Variants in THADA observed in about 807,000 individuals in gnomAD.
THADA encodes tRNA (32-2'-O)-methyltransferase regulator THADA.
Under a neutral mutation model 219.8 loss-of-function variants are expected in THADA, and 213 were observed. That is an observed-to-expected ratio of 0.97 (90% CI 0.87 to 1.09). The LOEUF (loss-of-function observed/expected upper bound fraction) is 1.09, where lower values mean the gene tolerates loss of function less well. THADA is among the 50% of genes least tolerant of loss of function. The pLI, the probability that THADA is intolerant of heterozygous loss-of-function variation, is 0.00. For missense variants in THADA, 2,956 were observed against 2,311.3 expected (o/e 1.28, Z -5.72); for synonymous variants, 1,018 against 828.9 (o/e 1.23, Z -3.92).
chr2:43,527,650 C>T (rs1693332528), intron 22 of THADA, among the ~76,000 whole-genome samples: 1 of 151,868 alleles, frequency 6.6e-6, no homozygotes, highest in African/African-American at 2.4e-5. Context: ...TTTGAGTTTG[C>T]TTCAAATCAC....
chr2:43,374,622 G>A (rs889751970), intron 29 of THADA, among the ~76,000 whole-genome samples: 10 of 152,080 alleles, frequency 6.6e-5, no homozygotes, highest in Non-Finnish European at 1.0e-4. Context: ...CATTCTATAC[G>A]AAGGAACCTT....
chr2:43,528,996 T>C (rs1693531595), intron 21 of THADA, among the ~76,000 whole-genome samples: 1 of 152,146 alleles, frequency 6.6e-6, no homozygotes, highest in South Asian at 2.1e-4. Context: ...CATAAAATTG[T>C]TAATGACAAT....
At chr2:43,381,224 G>C (rs1446353202) in intron 29 of THADA, among the ~76,000 whole-genome samples, 1 of 151,840 alleles carries the variant, frequency 6.6e-6, no homozygotes, top group African/African-American at 2.4e-5. Context: ...GAAACAACTG[G>C]AGCAACAAAA....
intron 29 of THADA, among the ~76,000 whole-genome samples, chr2:43,368,781 C>T (rs1244022587): frequency 6.6e-6 from 1 of 152,118 alleles, no homozygotes; most frequent in Non-Finnish European, 1.5e-5. Flanking sequence ...CAATTAGACT[C>T]ACCACCTCAA....
intron 21 of THADA, among the ~76,000 whole-genome samples, chr2:43,538,265 C>A (rs1694856682): frequency 1.3e-5 from 2 of 152,192 alleles, no homozygotes; most frequent in African/African-American, 4.8e-5. Flanking sequence ...CCACACACAT[C>A]AACTAGTCAG....
chr2:43,528,882 A>G (rs1391248273), intron 21 of THADA, among the ~76,000 whole-genome samples: 1 of 152,144 alleles, frequency 6.6e-6, no homozygotes, highest in Non-Finnish European at 1.5e-5. Context: ...AAGTACATTC[A>G]TACTTTTGTA....
At chr2:43,388,592 T>C (rs1254780323) in intron 29 of THADA, among the ~76,000 whole-genome samples, 2 of 152,162 alleles carry the variant, frequency 1.3e-5, no homozygotes, top group Non-Finnish European at 2.9e-5. Context: ...GAGGATGTAA[T>C]TCAAAACAAA....
chr2:43,557,091 G>C (rs1313033044), intron 16 of THADA, among the ~76,000 whole-genome samples: 1 of 150,862 alleles, frequency 6.6e-6, no homozygotes, highest in Non-Finnish European at 1.5e-5. Context: ...TCTATTAAAA[G>C]AAAAAAAACA....
At chr2:43,283,010 G>C (rs902235885) in intron 35 of THADA, among the ~76,000 whole-genome samples, 20 of 152,204 alleles carry the variant, frequency 1.3e-4, no homozygotes, top group African/African-American at 4.6e-4. Flanking sequence ...GGTGGGAGGT[G>C]AGTGAATCCT....
intron 35 of THADA, among the ~76,000 whole-genome samples, chr2:43,280,725 G>A (rs1479156196): frequency 2.0e-5 from 3 of 152,128 alleles, no homozygotes. Context: ...ATGTATGTAG[G>A]GGGTCCACTA....
At chr2:43,345,382 A>G (rs1558615751) in intron 29 of THADA, among the ~76,000 whole-genome samples, 1 of 152,240 alleles carries the variant, frequency 6.6e-6, no homozygotes, top group Non-Finnish European at 1.5e-5. Context: ...CAACAAATAC[A>G]TGCCAAGCAC....
intron 26 of THADA, among the ~76,000 whole-genome samples, chr2:43,482,815 T>C (rs1357568735): frequency 6.6e-6 from 1 of 152,096 alleles, no homozygotes; most frequent in East Asian, 1.9e-4. Context: ...CCAAACTATA[T>C]CTCTAATTGC....
intron 2 of THADA, 107 bp from the exon 3 acceptor site, chr2:43,592,153 T>C (rs999596901): frequency 9.9e-7 from 1 of 1,005,538 alleles, no homozygotes; most frequent in African/African-American, 1.6e-5. Flanking sequence ...TAGCAATAGG[T>C]GGAACATAGT....
intron 29 of THADA, among the ~76,000 whole-genome samples, chr2:43,392,238 C>G (rs1047128292): frequency 6.6e-6 from 1 of 152,266 alleles, no homozygotes; most frequent in African/African-American, 2.4e-5. Context: ...GACATTGACT[C>G]ATATGGTTAC....
At chr2:43,437,310 CTGGCTTAA>C (rs1250631076) in intron 26 of THADA, among the ~76,000 whole-genome samples, 2 of 152,114 alleles carry the variant, frequency 1.3e-5, no homozygotes, top group Non-Finnish European at 2.9e-5. Context: ...TCTGCTGTAC[CTGGCTTAA>C]TGGCTTGGAC....
intron 26 of THADA, among the ~76,000 whole-genome samples, chr2:43,482,881 A>C (rs1686402587): frequency 6.6e-6 from 1 of 152,196 alleles, no homozygotes. Context: ...TTTTATCCTC[A>C]CAATAGCCCT....
Position 43,560,364 on chromosome 2 carries a change from T to C in THADA, c.2333A>G (p.Gln778Arg). 6.3e-7 allele frequency: 1 copy of C among 1,594,448 alleles called. No homozygotes were observed. The highest frequency in any genetic ancestry group is 8.5e-7 in the Non-Finnish European group (1 of 1,172,622). ...VPEGRIYTVY[Q>R]LSHDIDVGRF... ...ACCAACATCAATATCATGACTCAGC[T>C]GATATACTGTATAAATTCTGCCTAA... Residue 778 changes from glutamine (Q) to arginine (R), a missense_variant, in exon 16 of 38, where the codon CAG becomes CGG. By Grantham distance (43) the Gln-to-Arg change is conservative. Coordinates refer to ENST00000405975, the MANE Select transcript of THADA (RefSeq NM_022065.5).
intron 30 of THADA, among the ~76,000 whole-genome samples, chr2:43,328,103 C>T (rs1348622877): frequency 6.6e-6 from 1 of 152,244 alleles, no homozygotes; most frequent in Non-Finnish European, 1.5e-5. Context: ...ATCTGCCATT[C>T]CGATTTCCAA....
intron 26 of THADA, among the ~76,000 whole-genome samples, chr2:43,464,654 A>G (rs1237901183): frequency 2.6e-5 from 4 of 152,204 alleles, no homozygotes; most frequent in Non-Finnish European, 5.9e-5. Context: ...ATTCCCCAGA[A>G]AAATCTTGCT....
Sources: gnomAD v4.1 joint callset for allele counts (sites outside exome capture counted in the v4.1 genomes callset) on GRCh38, gnomAD v4.1.1 for gene constraint, MANE v1.5 for transcripts, NCBI Gene and HGNC (gene_info 2026-07-23, HGNC 2026-07-21) for gene names.